SYNCRIP: variants seen among roughly 807,000 people sequenced by gnomAD.
SYNCRIP encodes heterogeneous nuclear ribonucleoprotein Q.
Under a neutral mutation model 68.9 loss-of-function variants are expected in SYNCRIP, and 9 were observed. That is an observed-to-expected ratio of 0.13 (90% CI 0.08 to 0.23). The LOEUF is 0.23. SYNCRIP is among the 10% of genes least tolerant of loss of function. SYNCRIP has a pLI of 1.00. For missense variants in SYNCRIP, 414 were observed against 770.6 expected (o/e 0.54, Z 5.48); for synonymous variants, 258 against 254.0 (o/e 1.02, Z -0.15).
chr6:85,619,350 C>A lies in SYNCRIP; in HGVS notation c.1076G>T (p.Ser359Ile). The A allele has an allele frequency of 6.2e-7, 1 of 1,613,956 alleles. No individual in the cohort carries two copies. The highest frequency in any genetic ancestry group is 8.5e-7 in the Non-Finnish European group (1 of 1,179,994). ...VTEEILEKAF[S>I]QFGKLERVKK... ...CACTCGTTCCAGTTTCCCAAACTGA[C>A]TAAATGCCTTTTCTAAAATCTCTTC... Residue 359 changes from serine (S) to isoleucine (I), a missense_variant, in exon 9 of 11, where the codon AGT becomes ATT. Coordinates refer to ENST00000369622, the MANE Select transcript of SYNCRIP (RefSeq NM_006372.5).
chr6:85,636,509 C>T (rs1347193857), intron 6 of SYNCRIP, among the ~76,000 whole-genome samples: 1 of 151,992 alleles, frequency 6.6e-6, no homozygotes, highest in Admixed American at 6.6e-5. Context: ...CAGGTCCTTA[C>T]CTAACATCTG....
rs1284437573 is a variant in SYNCRIP, at chr6:85,637,497, T to C, written c.376-141A>G. ...AAAAACAGGTTTGTGATGTCTGTTT[T>C]AAAATTTCCCCTTAAATGTGTACTT... is the stretch of plus-strand genomic sequence containing the variant. On this transcript the variant is annotated intron_variant, in intron 4 of 10. Transcript: ENST00000369622. 4 of 589,346 alleles carry C rather than the reference T, an allele frequency of 6.8e-6. No individual in the cohort carries two copies. In the Admixed American group the frequency reaches 1.3e-4, roughly 20 times the overall value. 36.5% of individuals were successfully genotyped at this position (589,346 alleles called of 1,614,324 possible). A position where few individuals can be genotyped will look rare whatever the true frequency, so the allele number is the denominator to read the frequency against.
intron 6 of SYNCRIP, among the ~76,000 whole-genome samples, chr6:85,634,253 C>G (rs899405630): frequency 6.6e-6 from 1 of 152,196 alleles, no homozygotes; most frequent in African/African-American, 2.4e-5. Flanking sequence ...ATCACTGTTA[C>G]TAATGGATTA....
chr6:85,614,862 G>T lies in SYNCRIP; in HGVS notation c.1766C>A (p.Pro589His), dbSNP rs1408595785. The stretch of plus-strand genomic sequence containing the variant: ...ACCTTGGAGCGGTTGCTGAGCAATG[G>T]GTTGGGAGCCCCAGTTCTGATTATT... The part of the protein sequence containing the change: ...QTNNQNWGSQ[P>H]IAQQPLQGGD... Residue 589 changes from proline (P) to histidine (H), a missense_variant, in exon 11 of 11, where the codon CCC becomes CAC. Transcript: ENST00000369622. 1 of 1,614,138 alleles carries T rather than the reference G, an allele frequency of 6.2e-7. No homozygotes were observed. Among genetic ancestry groups the T allele is most frequent in the African/African-American group, 1.3e-5 (1 of 75,008 alleles).
downstream of SYNCRIP, chr6:85,612,836 A>T (rs1053175848): frequency 6.5e-7 from 1 of 1,544,776 alleles, no homozygotes; most frequent in Non-Finnish European, 8.7e-7. Context: ...CCTTACCATT[A>T]CTCCACTGCA....
chr6:85,614,591 A>C lies in SYNCRIP; in HGVS notation c.*165T>G. On this transcript the variant is annotated 3_prime_UTR_variant, in exon 11 of 11. Coordinates refer to ENST00000369622, the MANE Select transcript of SYNCRIP (RefSeq NM_006372.5). ...ATTAAAAATAAAATCAGTTCGCCAG[A>C]AGCAGTTAGAAGTGTGGCTTTGTTC... 1 of 1,281,944 alleles carries C rather than the reference A, an allele frequency of 7.8e-7. No homozygotes were observed. The highest frequency in any genetic ancestry group is 9.8e-7 in the Non-Finnish European group (1 of 1,015,240). 79.4% of individuals were successfully genotyped at this position (1,281,944 alleles called of 1,614,324 possible).
intron 7 of SYNCRIP, 47 bp from the exon 8 acceptor site, chr6:85,622,734 A>T: frequency 6.9e-7 from 1 of 1,447,830 alleles, no homozygotes. Context: ...AATAACTAGC[A>T]AATACAAGTG....
chr6:85,634,234 G>C (rs1808171588), intron 6 of SYNCRIP, among the ~76,000 whole-genome samples: 1 of 151,780 alleles, frequency 6.6e-6, no homozygotes, highest in South Asian at 2.1e-4. Flanking sequence ...GTGTCTACTG[G>C]CACTCGAAAT....
intron 10 of SYNCRIP, 94 bp downstream of exon 10, chr6:85,618,724 T>C (rs559750641): frequency 4.8e-6 from 5 of 1,035,286 alleles, no homozygotes; most frequent in African/African-American, 3.3e-5. Flanking sequence ...AGAGATGTTA[T>C]GCATTTAACA....
At position 85,615,296 on chromosome 6, in the gene SYNCRIP, T is replaced by C. The variant is rs1805646050; in HGVS notation, c.1332A>G (p.Arg444=). The change falls in exon 11 of 11, where the codon AGA becomes AGG. Residue 444 remains arginine, a synonymous_variant. Coordinates refer to ENST00000369622, the MANE Select transcript of SYNCRIP (RefSeq NM_006372.5). ...YGPPHMPPPT[R]GRGRGGRGGY... is the part of the protein sequence containing the mutation. ...CACCTCTACCTCCACGCCCTCGACC[T>C]CTTGTTGGAGGGGGCATATGAGGTG... 5.1e-6 allele frequency: 8 copies of C among 1,575,422 alleles called. No homozygotes were observed. Among genetic ancestry groups the C allele is most frequent in the Admixed American group, 1.7e-5 (1 of 57,458 alleles).
chr6:85,625,175 C>T (rs898384773), intron 6 of SYNCRIP, among the ~76,000 whole-genome samples: 1 of 152,090 alleles, frequency 6.6e-6, no homozygotes, highest in African/African-American at 2.4e-5. Flanking sequence ...AAATACCATA[C>T]CTCCAGTTCA....
chr6:85,631,113 C>T lies in SYNCRIP; in HGVS notation c.666+5854G>A, dbSNP rs557451552. ...ATCCCAGTACTTTGGGAGGCTGAGG[C>T]GGGCAAATCACTTGGGGTCAGGAGT... On this transcript the variant is annotated intron_variant, in intron 6 of 10. Coordinates refer to ENST00000369622, the MANE Select transcript of SYNCRIP (RefSeq NM_006372.5). 3.3e-5 allele frequency among the ~76,000 whole-genome samples: 5 copies of T among 152,168 alleles called. No homozygotes were observed. In the East Asian group the frequency reaches 7.7e-4, roughly 24 times the overall value.
Position 85,615,312 on chromosome 6 carries a change from A to G in SYNCRIP, c.1316T>C (p.Met439Thr). Residue 439 changes from methionine to threonine, a missense_variant, in exon 11 of 11, where the codon ATG (methionine) becomes ACG (threonine). Transcript: ENST00000369622. ...CCCTCGACCTCTTGTTGGAGGGGGCATATGAGGTGGACCATAATAGTAGTA... is the reference window on the plus strand; with the variant it reads ...CCCTCGACCTCTTGTTGGAGGGGGCGTATGAGGTGGACCATAATAGTAGTA... ...DDYYYYGPPHMPPPTRGRGRG... is the reference protein window; with the variant it reads ...DDYYYYGPPHTPPPTRGRGRG... 1 of 1,557,996 alleles carries G rather than the reference A, an allele frequency of 6.4e-7. No individual in the cohort carries two copies. The highest frequency in any genetic ancestry group is 8.7e-7 in the Non-Finnish European group (1 of 1,147,624).
Position 85,619,359 on chromosome 6 carries a change from T to C in SYNCRIP, c.1067A>G (p.Lys356Arg). The C allele has an allele frequency of 6.2e-7, 1 of 1,613,944 alleles. No individual in the cohort carries two copies. The highest frequency in any genetic ancestry group is 8.5e-7 in the Non-Finnish European group (1 of 1,179,984). The change falls in exon 9 of 11, where the codon AAG becomes AGG. Residue 356 changes from lysine to arginine, a missense_variant. Lys to Arg is a conservative substitution (Grantham distance 26). Transcript: ENST00000369622. ...ANTVTEEILEKAFSQFGKLER... is the reference protein window; with the variant it reads ...ANTVTEEILERAFSQFGKLER... ...CAGTTTCCCAAACTGACTAAATGCC[T>C]TTTCTAAAATCTCTTCTGTTACAGT...
intron 6 of SYNCRIP, among the ~76,000 whole-genome samples, chr6:85,624,528 TTG>T (rs1301202649): frequency 6.6e-6 from 1 of 152,206 alleles, no homozygotes; most frequent in Non-Finnish European, 1.5e-5. Flanking sequence ...TTATCAAAAG[TTG>T]TAATAAGAAA....
rs1805490240 is a variant in SYNCRIP, at chr6:85,613,979, C to T, written c.*777G>A. On this transcript the variant is annotated 3_prime_UTR_variant, in exon 11 of 11. Coordinates refer to ENST00000369622, the MANE Select transcript of SYNCRIP (RefSeq NM_006372.5). ...TAAAATACTTACCAACTTAAACTTACTACATGTATTATCTTTTTATTTTTG... is the reference window on the plus strand; with the variant it reads ...TAAAATACTTACCAACTTAAACTTATTACATGTATTATCTTTTTATTTTTG... The T allele has an allele frequency of 2.0e-6, 2 of 983,288 alleles. No homozygotes were observed. The highest frequency in any genetic ancestry group is 2.4e-6 in the Non-Finnish European group (2 of 827,944). The allele number at this position is 983,288 out of a possible 1,614,324, so 60.9% of individuals were successfully genotyped here.
intron 6 of SYNCRIP, among the ~76,000 whole-genome samples, chr6:85,625,466 C>T (rs182145032): frequency 6.6e-6 from 1 of 151,810 alleles, no homozygotes; most frequent in Non-Finnish European, 1.5e-5. Context: ...CGGCTCACTG[C>T]AACCTCCGCC....
chr6:85,631,455 G>T (rs1258826439), intron 6 of SYNCRIP, among the ~76,000 whole-genome samples: 2 of 152,020 alleles, frequency 1.3e-5, no homozygotes, highest in Non-Finnish European at 2.9e-5. Flanking sequence ...GGCCTTGTTT[G>T]TAAGTCATTT....
chr6:85,641,853 GC>G (rs1244511604), intron 1 of SYNCRIP, among the ~76,000 whole-genome samples: 1 of 152,086 alleles, frequency 6.6e-6, no homozygotes, highest in African/African-American at 2.4e-5. Context: ...CCCGCCTGCC[GC>G]TTATAGATCG....
Sources: gnomAD v4.1 joint callset for allele counts (sites outside exome capture counted in the v4.1 genomes callset) on GRCh38, gnomAD v4.1.1 for gene constraint, MANE v1.5 for transcripts, NCBI Gene and HGNC (gene_info 2026-07-23, HGNC 2026-07-21) for gene names.